Variants in BOD1L1 observed in about 807,000 individuals in gnomAD.
BOD1L1 encodes the protein biorientation of chromosomes in cell division 1 like 1.
In BOD1L1, 86 loss-of-function variants were observed where a neutral mutation model predicts 240.7. The observed-to-expected ratio is 0.36, with a 90% CI of 0.30 to 0.43. The LOEUF is 0.43. Among genes scored for constraint, BOD1L1 ranks in the 20% least tolerant of loss-of-function variants. BOD1L1 has a pLI of 1.00. For synonymous variants in BOD1L1, 1,268 were observed against 1,272.3 expected, an observed-to-expected ratio of 1.00 and a Z score of 0.07; for missense variants, 3,554 against 3,643.5, an observed-to-expected ratio of 0.98 and a Z score of 0.63.
rs1316051798 is a variant in BOD1L1 at position 13,614,387 on chromosome 4, C to T, written c.983G>A (p.Ser328Asn). Reference protein sequence around the residue: ...STDKGEKKPDSNEKGERKKEK... With the variant: ...STDKGEKKPDNNEKGERKKEK... ...TTTCTTTCTTTCTCCTTTCTCATTG[C>T]TGTCTGGCTTCTTTTCACCTTTGTC... The change falls in exon 4 of 26, where the codon AGC (serine) becomes AAC (asparagine). Residue 328 changes from serine (S) to asparagine (N), a missense_variant. This residue lies in a region of BOD1L1 where 3,393 missense variants were observed against 3,427.1 expected (regional missense o/e 0.99). Transcript: ENST00000040738. The T allele has an allele frequency of 1.3e-6, 2 of 1,564,046 alleles. No homozygotes were observed. Among genetic ancestry groups the T allele is most frequent in the East Asian group, 4.7e-5 (2 of 42,646 alleles).
rs756480772 is a variant in BOD1L1 at position 13,604,543 on chromosome 4, T to C, written c.2357A>G (p.Lys786Arg). The change falls in exon 10 of 26, where the codon AAA becomes AGA. Residue 786 changes from lysine to arginine, a missense_variant. Around this residue, in one of 2 missense-constraint regions of BOD1L1, gnomAD observed 3,393 missense variants for 3,427.1 expected, o/e 0.99. Coordinates refer to ENST00000040738, the MANE Select transcript of BOD1L1 (RefSeq NM_148894.3). ...SQQTKLSSDD[K>R]TERKSKHRNE... ...CCTATGTTTACTTTTTCGTTCGGTT[T>C]TATCATCTGAAGAAAGCTTTGTTTG... The C allele has an allele frequency of 2.6e-5, 40 of 1,545,558 alleles. No individual in the cohort carries two copies. Among genetic ancestry groups the C allele is most frequent in the Admixed American group, 4.7e-5 (2 of 42,756 alleles).
At chr4:13,627,297 G>C (rs193157051) in intron 1 of BOD1L1, 48 bp downstream of exon 1, 1 of 1,128,078 alleles carries the variant, frequency 8.9e-7, no homozygotes, top group East Asian at 3.6e-5. Flanking sequence ...GCGCGCCCTT[G>C]GGTCCTCCCC....
At position 13,591,923 on chromosome 4, in the gene BOD1L1, A is replaced by C. The variant is rs1017990064; in HGVS notation, c.8148T>G (p.Asn2716Lys). 5.8e-6 allele frequency: 9 copies of C among 1,560,372 alleles called. No individual in the cohort carries two copies. Among genetic ancestry groups the C allele is most frequent in the African/African-American group, 1.4e-5 (1 of 73,252 alleles). Residue 2716 changes from asparagine (N) to lysine (K), a missense_variant and splice_region_variant, in exon 13 of 26, where the codon AAT becomes AAG. This residue lies in a region of BOD1L1 where 3,393 missense variants were observed against 3,427.1 expected (regional missense o/e 0.99). Coordinates refer to ENST00000040738, the MANE Select transcript of BOD1L1 (RefSeq NM_148894.3). ...AATCAAAACCATTACAGTGACTTAC[A>C]TTTAGTGATTCATTCACCAACAAAG... ...REPLLVNESL[N>K]VENSGFRTNE...
At chr4:13,588,411 T>C (rs940927925) in intron 15 of BOD1L1, among the ~76,000 whole-genome samples, 2 of 152,204 alleles carry the variant, frequency 1.3e-5, no homozygotes, top group African/African-American at 4.8e-5. Context: ...TTACAACTGA[T>C]GGCACATCAC....
chr4:13,600,187 C>T lies in BOD1L1; in HGVS notation c.6713G>A (p.Ser2238Asn). 6.2e-7 allele frequency: 1 copy of T among 1,614,014 alleles called. No individual in the cohort carries two copies. The highest frequency in any genetic ancestry group is 8.5e-7 in the Non-Finnish European group (1 of 1,179,894). The change falls in exon 10 of 26, where the codon AGT (serine) becomes AAT (asparagine). Residue 2238 changes from serine to asparagine, a missense_variant. Physicochemically the swap from Ser to Asn is conservative, Grantham distance 46. Coordinates refer to ENST00000040738, the MANE Select transcript of BOD1L1 (RefSeq NM_148894.3). The part of the protein sequence containing the change: ...EASVSGVVVE[S>N]ENERAGTVME... The stretch of plus-strand genomic sequence containing the variant: ...GACTGTGCCAGCTCGCTCATTTTCA[C>T]TTTCAACAACTACACCGGAAACAGA...
At chr4:13,580,583 T>C (rs1286004185) in intron 21 of BOD1L1, among the ~76,000 whole-genome samples, 1 of 152,140 alleles carries the variant, frequency 6.6e-6, no homozygotes, top group East Asian at 1.9e-4. Flanking sequence ...GGGTCAAAGA[T>C]AAAGAACGTT....
At chr4:13,583,831 C>G (rs1713428015) in intron 17 of BOD1L1, among the ~76,000 whole-genome samples, 1 of 152,138 alleles carries the variant, frequency 6.6e-6, no homozygotes, top group African/African-American at 2.4e-5. Flanking sequence ...TCAATTAAAA[C>G]AAGGTAAACA....
In BOD1L1 at chr4:13,601,202, C is replaced by T; in HGVS notation, c.5698G>A (p.Glu1900Lys). Residue 1900 changes from glutamate to lysine, a missense_variant, in exon 10 of 26, where the codon GAA (glutamate) becomes AAA (lysine). By Grantham distance (56) the Glu-to-Lys change is moderately conservative (BLOSUM62 1). Coordinates refer to ENST00000040738, the MANE Select transcript of BOD1L1 (RefSeq NM_148894.3). ...ATCTGACTGTCCCCTTCTGCACTTT[C>T]ACAAATCAAGACCCCTTCACTTTCT... ...GEESEGVLIC[E>K]SAEGDSQIGT... The T allele has an allele frequency of 6.2e-7, 1 of 1,614,022 alleles. No individual in the cohort carries two copies. Among genetic ancestry groups the T allele is most frequent in the Non-Finnish European group, 8.5e-7 (1 of 1,179,896 alleles).
rs1560183054 is a variant in BOD1L1 at position 13,582,705 on chromosome 4, G to C, written c.8465C>G (p.Pro2822Arg). Residue 2822 changes from proline (P) to arginine (R), a missense_variant, in exon 18 of 26, where the codon CCT becomes CGT. By Grantham distance (103) the Pro-to-Arg change is moderately radical (BLOSUM62 -2). Around this residue, in one of 2 missense-constraint regions of BOD1L1, gnomAD observed 3,393 missense variants for 3,427.1 expected, o/e 0.99. Coordinates refer to ENST00000040738, the MANE Select transcript of BOD1L1 (RefSeq NM_148894.3). ...GCTATTTGTCTCAGAACTGGTTTTA[G>C]GTAATTCTTCCAAATCTCTGGAGTT... ...EENSRDLEEL[P>R]KTSSETNSTT... is the part of the protein sequence containing the mutation. 3 of 1,612,772 alleles carry C rather than the reference G, an allele frequency of 1.9e-6. No individual in the cohort carries two copies. Among genetic ancestry groups the C allele is most frequent in the South Asian group, 2.2e-5 (2 of 91,040 alleles).
Position 13,579,922 on chromosome 4 carries a change from A to C in BOD1L1, c.8749+6T>G. On this transcript the variant is annotated splice_donor_region_variant and intron_variant, in intron 22 of 25. Coordinates refer to ENST00000040738, the MANE Select transcript of BOD1L1 (RefSeq NM_148894.3). ...TAACACACAGAGGAATGCGGTAGGTACATACCTGTTTGCATTACTTTCAGT... is the reference window on the plus strand; with the variant it reads ...TAACACACAGAGGAATGCGGTAGGTCCATACCTGTTTGCATTACTTTCAGT... The C allele has an allele frequency of 6.4e-7, 1 of 1,559,360 alleles. No homozygotes were observed.
chr4:13,573,301 A>T (rs1712365243), intron 25 of BOD1L1, among the ~76,000 whole-genome samples: 1 of 152,162 alleles, frequency 6.6e-6, no homozygotes, highest in African/African-American at 2.4e-5. Flanking sequence ...TGTATTTTTC[A>T]ATTTGAGGCT....
At chr4:13,585,011 TTTTA>T (rs1713558166) in intron 17 of BOD1L1, among the ~76,000 whole-genome samples, 1 of 152,212 alleles carries the variant, frequency 6.6e-6, no homozygotes, top group Non-Finnish European at 1.5e-5. Flanking sequence ...AATAAATTGA[TTTTA>T]TTTAAATTTA....
In BOD1L1 at chr4:13,569,029, A is replaced by G. The variant is rs556182781; in HGVS notation, c.*982T>C. On this transcript the variant is annotated 3_prime_UTR_variant, in exon 26 of 26. Coordinates refer to ENST00000040738, the MANE Select transcript of BOD1L1 (RefSeq NM_148894.3). ...ATGAGAGTTAAAACATGTTTAAAAA[A>G]ACACTTGGCAATAAAGCCAGTTTCT... The G allele has an allele frequency of 6.6e-6, 1 of 152,242 alleles. No homozygotes were observed. The highest frequency in any genetic ancestry group is 1.5e-5 in the Non-Finnish European group (1 of 68,044). The allele number at this position is 152,242 out of a possible 1,614,324, so 9.4% of individuals were successfully genotyped here.
rs779621008 is a variant in BOD1L1, at chr4:13,598,988, T to C, written c.7912A>G (p.Ile2638Val). The C allele has an allele frequency of 9.9e-6, 16 of 1,613,368 alleles. 1 individual carries two copies. The highest frequency in any genetic ancestry group is 3.3e-5 in the South Asian group (3 of 91,048). Residue 2638 changes from isoleucine (I) to valine (V), a missense_variant, in exon 10 of 26, where the codon ATA becomes GTA. By Grantham distance (29) the Ile-to-Val change is conservative. This residue lies in a region of BOD1L1 where 3,393 missense variants were observed against 3,427.1 expected (regional missense o/e 0.99). Coordinates refer to ENST00000040738, the MANE Select transcript of BOD1L1 (RefSeq NM_148894.3). ...TRKSFPEEGD[I>V]MVTVSSEENV... ...TCTTCAGAAGACACAGTAACCATTA[T>C]GTCTCCTTCCTCAGGGAATGATTTC...
chr4:13,598,469 G>A (rs1445233210), intron 10 of BOD1L1, among the ~76,000 whole-genome samples: 1 of 152,012 alleles, frequency 6.6e-6, no homozygotes, highest in Non-Finnish European at 1.5e-5. Context: ...CTCAGAAACT[G>A]ATTTTTCCTC....
chr4:13,609,172 A>G (rs752589983), intron 7 of BOD1L1, 123 bp downstream of exon 7: 14 of 534,330 alleles, frequency 2.6e-5, no homozygotes, highest in Non-Finnish European at 4.1e-5. Flanking sequence ...ACGTAAGGAA[A>G]TCTTCCACAT....
intron 25 of BOD1L1, among the ~76,000 whole-genome samples, chr4:13,573,916 A>G (rs1712469304): frequency 6.6e-6 from 1 of 152,138 alleles, no homozygotes; most frequent in Non-Finnish European, 1.5e-5. Context: ...GCCTCAAGCA[A>G]TCTTCCTGCC....
chr4:13,608,655 C>T lies in BOD1L1; in HGVS notation c.1617G>A (p.Val539=). ...SKTKGQGRSS[V]DLEESSTKSL... Reference sequence around the variant, plus strand: ...TCTTTGTTGATGATTCTTCTAAGTCCACACTACTCCTGCCTAGAAAAGAAG... The same window carrying T: ...TCTTTGTTGATGATTCTTCTAAGTCTACACTACTCCTGCCTAGAAAAGAAG... The change falls in exon 8 of 26, where the codon GTG becomes GTA. Residue 539 remains valine (V), a synonymous_variant. Transcript: ENST00000040738. The T allele has an allele frequency of 5.3e-6, 8 of 1,506,388 alleles. No individual in the cohort carries two copies. Among genetic ancestry groups the T allele is most frequent in the Non-Finnish European group, 6.2e-6 (7 of 1,131,336 alleles). 93.3% of individuals were successfully genotyped at this position (1,506,388 alleles called of 1,614,324 possible). A position where few individuals can be genotyped will look rare whatever the true frequency, so the allele number is the denominator to read the frequency against.
At chr4:13,572,492 C>G (rs1712292141) in intron 25 of BOD1L1, among the ~76,000 whole-genome samples, 1 of 152,228 alleles carries the variant, frequency 6.6e-6, no homozygotes, top group African/African-American at 2.4e-5. Context: ...CAAGGACAAG[C>G]CTGTGTGGCA....
Sources: gnomAD v4.1 joint callset for allele counts (sites outside exome capture counted in the v4.1 genomes callset) on GRCh38, gnomAD v4.1.1 for gene constraint, gnomAD v4.1.1 regional missense constraint, MANE v1.5 for transcripts, NCBI Gene and HGNC (gene_info 2026-07-23, HGNC 2026-07-21) for gene names.